MARCHF1: variants seen among roughly 807,000 people sequenced by gnomAD.
The protein encoded by MARCHF1 is E3 ubiquitin-protein ligase MARCHF1.
A neutral mutation model predicts 54.2 loss-of-function variants in MARCHF1; 40 were observed. That is an observed-to-expected ratio of 0.74 (90% CI 0.57 to 0.96). MARCHF1 has a LOEUF of 0.96. MARCHF1 is among the 40% of genes least tolerant of loss of function. MARCHF1 has a pLI of 0.00. For missense variants in MARCHF1, 586 were observed against 656.5 expected, an observed-to-expected ratio of 0.89 and a Z score of 1.17; for synonymous variants, 236 against 236.3, an observed-to-expected ratio of 1.00 and a Z score of 0.01.
chr4:163,740,757 A>G (rs1431359130), intron 4 of MARCHF1, among the ~76,000 whole-genome samples: 2 of 152,234 alleles, frequency 1.3e-5, no homozygotes, highest in Admixed American at 6.5e-5. Context: ...ATATTCCAAC[A>G]TAATTTCATG....
chr4:163,713,324 A>T (rs980844673), intron 4 of MARCHF1, among the ~76,000 whole-genome samples: 6 of 152,204 alleles, frequency 3.9e-5, no homozygotes, highest in African/African-American at 1.4e-4. Context: ...TTCATATAGT[A>T]TTCTACTAAT....
rs562511263 is a variant in MARCHF1, at chr4:163,881,826, A to G, written c.-38-27657T>C. ...CATGTAGATGGATACTATTTATTAA[A>G]TCTGACAGCAGCCTGAATTCTACCT... On this transcript the variant is annotated intron_variant, in intron 3 of 9. Coordinates refer to ENST00000514618, the MANE Select transcript of MARCHF1 (RefSeq NM_001394959.1). Among the ~76,000 whole-genome samples the G allele has an allele frequency of 4.6e-5, 7 of 152,362 alleles. No individual in the cohort carries two copies. The East Asian group carries it at 1.3e-3, about 29-fold the overall frequency.
chr4:163,674,773 T>C (rs1743855516), intron 5 of MARCHF1, among the ~76,000 whole-genome samples: 3 of 152,194 alleles, frequency 2.0e-5, no homozygotes, highest in African/African-American at 7.2e-5. Context: ...TGTATATTTG[T>C]GCTTAGGCAG....
chr4:163,833,540 A>C (rs1382047637), intron 4 of MARCHF1, among the ~76,000 whole-genome samples: 1 of 152,160 alleles, frequency 6.6e-6, no homozygotes, highest in African/African-American at 2.4e-5. Context: ...AAACAACCCC[A>C]TCAAAAAGTG....
chr4:163,752,666 A>G (rs1406604440), intron 4 of MARCHF1, among the ~76,000 whole-genome samples: 1 of 152,226 alleles, frequency 6.6e-6, no homozygotes, highest in African/African-American at 2.4e-5. Context: ...GAATTTTCTG[A>G]ATGACAAAAG....
intron 1 of MARCHF1, among the ~76,000 whole-genome samples, chr4:164,274,320 T>C (rs199851178): frequency 3.9e-5 from 6 of 152,240 alleles, no homozygotes; most frequent in Non-Finnish European, 8.8e-5. Flanking sequence ...AAGTTTGCTC[T>C]TAGCAAGTAA....
chr4:163,954,850 C>T (rs1752200541), intron 3 of MARCHF1, among the ~76,000 whole-genome samples: 1 of 152,060 alleles, frequency 6.6e-6, no homozygotes, highest in African/African-American at 2.4e-5. Context: ...TAATTTTGCC[C>T]CTTGCACCTT....
chr4:163,941,725 T>A (rs1210047035), intron 3 of MARCHF1, among the ~76,000 whole-genome samples: 1 of 152,146 alleles, frequency 6.6e-6, no homozygotes, highest in Non-Finnish European at 1.5e-5. Context: ...CCAAGTTTTC[T>A]CATTCGTCAA....
At chr4:164,014,235 A>G (rs1393286293) in intron 2 of MARCHF1, among the ~76,000 whole-genome samples, 1 of 151,894 alleles carries the variant, frequency 6.6e-6, no homozygotes, top group Non-Finnish European at 1.5e-5. Context: ...AGTCAAAAAA[A>G]TGAGGACAGG....
At chr4:164,140,449 G>A (rs995698693) in intron 1 of MARCHF1, among the ~76,000 whole-genome samples, 3 of 151,996 alleles carry the variant, frequency 2.0e-5, no homozygotes, top group African/African-American at 4.8e-5. Flanking sequence ...CACTGCATTT[G>A]GACAATGAGA....
intron 4 of MARCHF1, among the ~76,000 whole-genome samples, chr4:163,759,871 G>A (rs1746782036): frequency 6.6e-6 from 1 of 152,118 alleles, no homozygotes. Flanking sequence ...GGTTGATAAA[G>A]CTGATGTGAG....
intron 4 of MARCHF1, among the ~76,000 whole-genome samples, chr4:163,721,486 T>A (rs1258715378): frequency 1.3e-5 from 2 of 152,130 alleles, no homozygotes; most frequent in Non-Finnish European, 2.9e-5. Context: ...TGGTCTAAAA[T>A]TCTCTTTTTT....
At position 163,973,968 on chromosome 4, in the gene MARCHF1, T is replaced by C. The variant is rs995744068; in HGVS notation, c.-39+14533A>G. ...ATAAGGTAATACAGTAATTTTTGAA[T>C]ATGGCCTCTGGAATCACACTGCCTG... On this transcript the variant is annotated intron_variant, in intron 3 of 9. Transcript: ENST00000514618. 3.3e-5 allele frequency among the ~76,000 whole-genome samples: 5 copies of C among 152,226 alleles called. No individual in the cohort carries two copies. In the South Asian group the frequency reaches 8.3e-4, roughly 25 times the overall value.
At chr4:163,928,899 T>C (rs1286408792) in intron 3 of MARCHF1, among the ~76,000 whole-genome samples, 7 of 151,858 alleles carry the variant, frequency 4.6e-5, no homozygotes, top group Non-Finnish European at 1.5e-5. Flanking sequence ...TTGTTTTCTA[T>C]AGTGTAGTAA....
chr4:163,626,918 C>A (rs1451843071), intron 5 of MARCHF1, among the ~76,000 whole-genome samples: 1 of 152,046 alleles, frequency 6.6e-6, no homozygotes, highest in Non-Finnish European at 1.5e-5. Flanking sequence ...GAATGTGACT[C>A]CATCCCAAAC....
rs1180839475 is a variant in MARCHF1 at position 163,525,796 on chromosome 4, A to G, written c.*2952T>C. The G allele has an allele frequency of 6.6e-6, 1 of 152,024 alleles. No homozygotes were observed. Among genetic ancestry groups the G allele is most frequent in the East Asian group, 1.9e-4 (1 of 5,188 alleles). The allele number at this position is 152,024 out of a possible 1,614,324, so 9.4% of individuals were successfully genotyped here. Reference sequence around the variant, plus strand: ...TCCGTAGAGCAGTTTTTCTTTTTGAAGGGTATAGTCAGTCAGTCTACAAAA... The same window carrying G: ...TCCGTAGAGCAGTTTTTCTTTTTGAGGGGTATAGTCAGTCAGTCTACAAAA... On this transcript the variant is annotated 3_prime_UTR_variant, in exon 10 of 10. Coordinates refer to ENST00000514618, the MANE Select transcript of MARCHF1 (RefSeq NM_001394959.1).
intron 5 of MARCHF1, among the ~76,000 whole-genome samples, chr4:163,642,743 T>C (rs190800336): frequency 6.6e-6 from 1 of 152,142 alleles, no homozygotes; most frequent in African/African-American, 2.4e-5. Context: ...AGCTATAGGT[T>C]TCTGAGTCTG....
chr4:163,734,566 T>C (rs951773055), intron 4 of MARCHF1, among the ~76,000 whole-genome samples: 11 of 140,234 alleles, frequency 7.8e-5, no homozygotes, highest in African/African-American at 2.8e-4. Flanking sequence ...AAAAAAAAGC[T>C]CCTGCTTTTT....
chr4:163,933,234 A>G (rs1375318250), intron 3 of MARCHF1: 1 of 731,712 alleles, frequency 1.4e-6, no homozygotes, highest in Non-Finnish European at 2.4e-6. Context: ...AATGTGATGC[A>G]GCAGAAGGGG....
Sources: gnomAD v4.1 joint callset for allele counts (sites outside exome capture counted in the v4.1 genomes callset) on GRCh38, gnomAD v4.1.1 for gene constraint, MANE v1.5 for transcripts, NCBI Gene and HGNC (gene_info 2026-07-23, HGNC 2026-07-21) for gene names.